The following EPHB1 variants were observed in gnomAD, a reference collection of about 807,000 sequenced individuals.
EPHB1 encodes EPH receptor B1, also known as ephrin type-B receptor 1.
In EPHB1, 30 loss-of-function variants were observed where a neutral mutation model predicts 94.4. That is an observed-to-expected ratio of 0.32 (90% CI 0.24 to 0.43). The LOEUF (loss-of-function observed/expected upper bound fraction) is 0.43. EPHB1 is among the 20% of genes least tolerant of loss of function. EPHB1 has a pLI of 1.00. For missense variants in EPHB1, 1,055 were observed against 1,308.3 expected (o/e 0.81, Z 2.99); for synonymous variants, 522 against 489.1 (o/e 1.07, Z -0.89).
chr3:135,114,991 CTT>C (rs565650654), intron 4 of EPHB1, among the ~76,000 whole-genome samples: 83 of 152,236 alleles, frequency 5.5e-4, no homozygotes, highest in African/African-American at 1.9e-3. Flanking sequence ...ACTCTATACT[CTT>C]TTTCTTCACA....
intron 2 of EPHB1, among the ~76,000 whole-genome samples, chr3:134,941,003 C>A (rs2039104652): frequency 6.6e-6 from 1 of 152,202 alleles, no homozygotes; most frequent in Non-Finnish European, 1.5e-5. Context: ...TCAATTATTT[C>A]TATTCCTGTC....
intron 3 of EPHB1, among the ~76,000 whole-genome samples, chr3:134,958,017 G>A (rs1176577849): frequency 6.6e-6 from 1 of 152,152 alleles, no homozygotes; most frequent in Non-Finnish European, 1.5e-5. Context: ...CACTGCCTTA[G>A]GCTCTCCTCT....
intron 1 of EPHB1, chr3:134,796,008 T>G (rs2035819022): frequency 2.3e-6 from 1 of 439,726 alleles, no homozygotes; most frequent in Non-Finnish European, 4.0e-6. Flanking sequence ...CGGTGCATGC[T>G]CCTTAGCTCT....
chr3:134,977,020 T>G (rs997566132), intron 3 of EPHB1, among the ~76,000 whole-genome samples: 1 of 152,244 alleles, frequency 6.6e-6, no homozygotes, highest in Non-Finnish European at 1.5e-5. Flanking sequence ...GAGGAACAAT[T>G]CTGAAATTTC....
At chr3:135,249,825 C>T (rs1211516661) in intron 15 of EPHB1, among the ~76,000 whole-genome samples, 1 of 149,270 alleles carries the variant, frequency 6.7e-6, no homozygotes, top group Non-Finnish European at 1.5e-5. Context: ...CCATCTAGTA[C>T]TTTAAATAAC....
intron 3 of EPHB1, chr3:134,977,894 G>T: frequency 2.2e-6 from 1 of 445,818 alleles, no homozygotes; most frequent in East Asian, 7.0e-5. Flanking sequence ...CCCAGCCCTG[G>T]TTCTACCTGT....
At chr3:135,040,089 A>C (rs1208965036) in intron 3 of EPHB1, among the ~76,000 whole-genome samples, 1 of 152,162 alleles carries the variant, frequency 6.6e-6, no homozygotes, top group Non-Finnish European at 1.5e-5. Context: ...TGACCTGCAA[A>C]ATCTTTGTAG....
chr3:135,065,591 G>A (rs994410520), intron 3 of EPHB1, among the ~76,000 whole-genome samples: 6 of 152,120 alleles, frequency 3.9e-5, no homozygotes, highest in African/African-American at 1.4e-4. Context: ...TCTGTGTTAG[G>A]TGAGTCTCTT....
At chr3:134,821,179 T>G (rs2108289926) in intron 1 of EPHB1, among the ~76,000 whole-genome samples, 1 of 152,360 alleles carries the variant, frequency 6.6e-6, no homozygotes, top group South Asian at 2.1e-4. Context: ...AGCCTTTTTG[T>G]TCTATTCAAG....
intron 3 of EPHB1, among the ~76,000 whole-genome samples, chr3:135,042,229 C>T (rs1434394117): frequency 6.6e-6 from 1 of 152,170 alleles, no homozygotes; most frequent in Non-Finnish European, 1.5e-5. Flanking sequence ...CCATACCCGG[C>T]CTCATCTTTT....
intron 2 of EPHB1, among the ~76,000 whole-genome samples, chr3:134,935,207 C>T (rs1016467547): frequency 6.6e-6 from 1 of 152,162 alleles, no homozygotes; most frequent in African/African-American, 2.4e-5. Flanking sequence ...ACTCACAGCA[C>T]TCCCACTGGT....
intron 6 of EPHB1, among the ~76,000 whole-genome samples, chr3:135,158,834 T>C (rs1343727821): frequency 6.6e-6 from 1 of 152,176 alleles, no homozygotes; most frequent in Non-Finnish European, 1.5e-5. Flanking sequence ...GTCTTAATGA[T>C]TAAACGTTTA....
intron 1 of EPHB1, among the ~76,000 whole-genome samples, chr3:134,832,549 T>A (rs907009493): frequency 3.9e-5 from 6 of 152,218 alleles, no homozygotes; most frequent in Admixed American, 6.5e-5. Flanking sequence ...ACATACAAAC[T>A]GTACCATTAT....
At chr3:135,249,249 T>A in intron 14 of EPHB1, 87 bp from the exon 15 acceptor site, 1 of 1,456,038 alleles carries the variant, frequency 6.9e-7, no homozygotes, top group Middle Eastern at 2.3e-4. Flanking sequence ...GATGCTGCCT[T>A]CCATGAAGTC....
intron 1 of EPHB1, among the ~76,000 whole-genome samples, chr3:134,921,035 C>A (rs1007947342): frequency 1.3e-5 from 2 of 152,146 alleles, no homozygotes; most frequent in Non-Finnish European, 2.9e-5. Flanking sequence ...AGGTGCACGC[C>A]ACAGTACCTG....
chr3:135,036,529 G>A (rs1200703309), intron 3 of EPHB1, among the ~76,000 whole-genome samples: 1 of 152,130 alleles, frequency 6.6e-6, no homozygotes, highest in Non-Finnish European at 1.5e-5. Context: ...GGTACCTGCA[G>A]GCTTGCACAG....
chr3:135,013,885 G>A (rs1469870569), intron 3 of EPHB1, among the ~76,000 whole-genome samples: 1 of 152,142 alleles, frequency 6.6e-6, no homozygotes, highest in Non-Finnish European at 1.5e-5. Flanking sequence ...AAAGTCTGAT[G>A]GAAACAGTGA....
At chr3:135,064,180 C>G (rs1301432338) in intron 3 of EPHB1, among the ~76,000 whole-genome samples, 1 of 151,942 alleles carries the variant, frequency 6.6e-6, no homozygotes, top group African/African-American at 2.4e-5. Flanking sequence ...CCTTTCTTGG[C>G]TTTGGTATTA....
At chr3:135,196,585 G>T (rs1942623430) in intron 11 of EPHB1, among the ~76,000 whole-genome samples, 1 of 152,142 alleles carries the variant, frequency 6.6e-6, no homozygotes, top group African/African-American at 2.4e-5. Flanking sequence ...CATATCTGCT[G>T]CTTGATAAAA....
Sources: allele counts gnomAD v4.1 joint callset (sites outside exome capture counted in the v4.1 genomes callset), GRCh38; gene constraint gnomAD v4.1.1; transcripts MANE v1.5; gene names NCBI Gene and HGNC (gene_info 2026-07-23, HGNC 2026-07-21).